Variants in NSMCE2 observed in about 807,000 individuals in gnomAD.
NSMCE2 encodes NSE2 SUMO ligase component of SMC5/6 complex.
A neutral mutation model predicts 23.8 loss-of-function variants in NSMCE2; 24 were observed. The ratio of observed to expected loss-of-function variants is 1.01; its 90% CI spans 0.73 to 1.42. NSMCE2 has a LOEUF of 1.42. Among genes scored for constraint, NSMCE2 ranks in the 40% most tolerant of loss-of-function variants. NSMCE2 has a pLI of 0.00. For synonymous variants in NSMCE2, 92 were observed against 94.1 expected, an observed-to-expected ratio of 0.98 and a Z score of 0.13; for missense variants, 284 against 296.5, an observed-to-expected ratio of 0.96 and a Z score of 0.31.
chr8:125,099,023 A>G lies in NSMCE2; in HGVS notation c.-110-3028A>G, dbSNP rs142725361. Among the ~76,000 whole-genome samples the G allele has an allele frequency of 1.1e-3, 172 of 152,236 alleles. 1 individual carries two copies. Among genetic ancestry groups the G allele is most frequent in the African/African-American group, 4.0e-3 (164 of 41,518 alleles). ...AGGTGCTGGAGATACATAGTATTACATTCATTCCTTCTTTCAGCAAGCCTT... is the reference window on the plus strand; with the variant it reads ...AGGTGCTGGAGATACATAGTATTACGTTCATTCCTTCTTTCAGCAAGCCTT... On this transcript the variant is annotated intron_variant, in intron 1 of 7. Transcript: ENST00000287437.
intron 5 of NSMCE2, among the ~76,000 whole-genome samples, chr8:125,306,535 A>G (rs907069235): frequency 6.6e-6 from 1 of 152,166 alleles, no homozygotes; most frequent in Non-Finnish European, 1.5e-5. Context: ...AGTCAAATGT[A>G]TACACTGAAA....
intron 3 of NSMCE2, chr8:125,130,096 C>T (rs567155457): frequency 2.8e-4 from 92 of 334,184 alleles, no homozygotes; most frequent in African/African-American, 1.8e-3. Flanking sequence ...TAGTTGGTTT[C>T]GCTTTTTTTT....
intron 5 of NSMCE2, among the ~76,000 whole-genome samples, chr8:125,356,325 G>GTTT (rs1563803250): frequency 8.8e-5 from 11 of 125,176 alleles, no homozygotes; most frequent in African/African-American, 3.0e-4. Context: ...TTAATTTTTT[G>GTTT]GTTTTTTTTT....
At chr8:125,222,592 T>G (rs564163896) in intron 5 of NSMCE2, among the ~76,000 whole-genome samples, 1 of 152,288 alleles carries the variant, frequency 6.6e-6, no homozygotes, top group South Asian at 2.1e-4. Flanking sequence ...CTGTTTTAGA[T>G]TCCACGTGTA....
At chr8:125,229,305 A>G (rs770779280) in intron 5 of NSMCE2, among the ~76,000 whole-genome samples, 6 of 152,322 alleles carry the variant, frequency 3.9e-5, no homozygotes, top group South Asian at 4.1e-4. Flanking sequence ...AAGGCAACCT[A>G]TGTTACATTA....
At chr8:125,256,481 A>C (rs907844154) in intron 5 of NSMCE2, among the ~76,000 whole-genome samples, 2 of 152,196 alleles carry the variant, frequency 1.3e-5, no homozygotes, top group Non-Finnish European at 2.9e-5. Context: ...TCTGGCATCC[A>C]TGTAGCGATG....
chr8:125,202,099 GT>G (rs762469293), intron 5 of NSMCE2, among the ~76,000 whole-genome samples: 36 of 152,252 alleles, frequency 2.4e-4, no homozygotes, highest in Non-Finnish European at 4.9e-4. Flanking sequence ...AGAGTGTCCT[GT>G]TTTTCCAGGT....
intron 5 of NSMCE2, among the ~76,000 whole-genome samples, chr8:125,321,182 C>T (rs1279205380): frequency 9.3e-6 from 1 of 107,518 alleles, no homozygotes; most frequent in Non-Finnish European, 2.1e-5. Flanking sequence ...TATCAGATAC[C>T]AAGTGGAAAC....
At chr8:125,167,494 A>C (rs1821950867) in intron 4 of NSMCE2, among the ~76,000 whole-genome samples, 2 of 151,956 alleles carry the variant, frequency 1.3e-5, no homozygotes. Flanking sequence ...GTGAAACCCC[A>C]TCTCTACTAA....
intron 5 of NSMCE2, among the ~76,000 whole-genome samples, chr8:125,259,163 T>C (rs891289309): frequency 6.6e-6 from 1 of 152,038 alleles, no homozygotes; most frequent in Admixed American, 6.6e-5. Flanking sequence ...ATGCTGGGAT[T>C]ACAGGTGTGA....
chr8:125,339,131 C>T (rs1830155633), intron 5 of NSMCE2, among the ~76,000 whole-genome samples: 2 of 152,200 alleles, frequency 1.3e-5, no homozygotes, highest in African/African-American at 4.8e-5. Context: ...GGACACTGCT[C>T]TGCAGTGTCT....
In NSMCE2 at chr8:125,277,009, G is replaced by A. The variant is rs118029319; in HGVS notation, c.419-80210G>A. The stretch of plus-strand genomic sequence containing the variant: ...ACTTGTTCACTGGTGTTCTGATGGC[G>A]CATGAGATCTTTCTTACAGCAGTGT... On this transcript the variant is annotated intron_variant, in intron 5 of 7. Transcript: ENST00000287437. Among the ~76,000 whole-genome samples the A allele has an allele frequency of 2.4e-3, 371 of 152,286 alleles. 2 individuals are homozygous for A. Among genetic ancestry groups the A allele is most frequent in the Non-Finnish European group, 3.9e-3 (265 of 68,030 alleles).
At chr8:125,261,220 C>A (rs17402478) in intron 5 of NSMCE2, among the ~76,000 whole-genome samples, 2,184 of 152,250 alleles carry the variant, frequency 0.014, 28 homozygotes, top group Non-Finnish European at 0.021. Flanking sequence ...ATGCTGGATA[C>A]TATGGGAGCA....
chr8:125,136,898 C>T (rs562179970), intron 3 of NSMCE2, among the ~76,000 whole-genome samples: 1 of 152,148 alleles, frequency 6.6e-6, no homozygotes, highest in South Asian at 2.1e-4. Flanking sequence ...ATAAAAATTA[C>T]CTTCTAAAAT....
chr8:125,239,513 A>T (rs540802044), intron 5 of NSMCE2, among the ~76,000 whole-genome samples: 2 of 151,490 alleles, frequency 1.3e-5, no homozygotes, highest in Admixed American at 1.3e-4. Flanking sequence ...GGTGGTTGAG[A>T]CATGAGAATT....
At chr8:125,344,341 G>T (rs1190278944) in intron 5 of NSMCE2, among the ~76,000 whole-genome samples, 1 of 152,034 alleles carries the variant, frequency 6.6e-6, no homozygotes. Context: ...CAGAAATCTT[G>T]ATTCCTCTAC....
At chr8:125,095,801 G>A (rs1817898044) in intron 1 of NSMCE2, among the ~76,000 whole-genome samples, 1 of 146,726 alleles carries the variant, frequency 6.8e-6, no homozygotes, top group African/African-American at 2.5e-5. Context: ...AGAATTGCAT[G>A]AACCTGGGAG....
chr8:125,146,735 G>A (rs1394421741), intron 3 of NSMCE2, among the ~76,000 whole-genome samples: 2 of 152,060 alleles, frequency 1.3e-5, no homozygotes, highest in African/African-American at 4.8e-5. Flanking sequence ...GTCACACACT[G>A]GGGCCTGTTG....
At chr8:125,342,707 GTA>G (rs1269282099) in intron 5 of NSMCE2, among the ~76,000 whole-genome samples, 2 of 151,748 alleles carry the variant, frequency 1.3e-5, no homozygotes, top group Non-Finnish European at 2.9e-5. Context: ...TTTTTGTGGG[GTA>G]TGTTTTCTGT....
Sources: allele counts gnomAD v4.1 joint callset (sites outside exome capture counted in the v4.1 genomes callset), GRCh38; gene constraint gnomAD v4.1.1; transcripts MANE v1.5; gene names NCBI Gene and HGNC (gene_info 2026-07-23, HGNC 2026-07-21).